The following SMIM18 variants were observed in gnomAD, a reference collection of about 807,000 sequenced individuals.
SMIM18 encodes the protein small integral membrane protein 18.
A neutral mutation model predicts 5.9 loss-of-function variants in SMIM18; 4 were observed. The observed-to-expected ratio is 0.68, with a 90% CI of 0.33 to 1.56. SMIM18 has a LOEUF of 1.56. Among genes scored for constraint, SMIM18 ranks in the 40% most tolerant of loss-of-function variants. The pLI is 0.06. For missense variants in SMIM18, 89 were observed against 109.7 expected, an observed-to-expected ratio of 0.81 and a Z score of 0.84; for synonymous variants, 37 against 37.4, an observed-to-expected ratio of 0.99 and a Z score of 0.04.
At chr8:30,642,140 C>A (rs1313047522) in intron 1 of SMIM18, among the ~76,000 whole-genome samples, 2 of 151,892 alleles carry the variant, frequency 1.3e-5, no homozygotes, top group African/African-American at 4.8e-5. Flanking sequence ...ATTAAGAAAG[C>A]AAAGGAATAC....
intron 1 of SMIM18, among the ~76,000 whole-genome samples, chr8:30,641,664 G>A (rs1166989653): frequency 6.6e-6 from 1 of 152,146 alleles, no homozygotes. Flanking sequence ...ATTACCTGAC[G>A]TCAGGGGTTC....
chr8:30,645,838 A>G lies in SMIM18; in HGVS notation c.*241A>G. On this transcript the variant is annotated 3_prime_UTR_variant, in exon 3 of 3. Coordinates refer to ENST00000517349, the MANE Select transcript of SMIM18 (RefSeq NM_001206847.2). ...ATCTGTTTAATACTGACACTTCAAAAACTGGATAAAAGATTCCTAGAGTTC... is the reference window on the plus strand; with the variant it reads ...ATCTGTTTAATACTGACACTTCAAAGACTGGATAAAAGATTCCTAGAGTTC... The G allele has an allele frequency of 2.5e-6, 1 of 395,424 alleles. No individual in the cohort carries two copies. Among genetic ancestry groups the G allele is most frequent in the Non-Finnish European group, 4.5e-6 (1 of 222,336 alleles). 24.5% of individuals were successfully genotyped at this position (395,424 alleles called of 1,614,324 possible). A position where few individuals can be genotyped will look rare whatever the true frequency, so the allele number is the denominator to read the frequency against.
chr8:30,645,236 G>T, intron 2 of SMIM18, 45 bp from the exon 3 acceptor site: 1 of 1,392,584 alleles, frequency 7.2e-7, no homozygotes, highest in South Asian at 1.5e-5. Context: ...TGAATTAACA[G>T]ATCTGTAGTT....
At chr8:30,639,584 T>C (rs1801738635) in intron 1 of SMIM18, among the ~76,000 whole-genome samples, 1 of 152,248 alleles carries the variant, frequency 6.6e-6, no homozygotes, top group African/African-American at 2.4e-5. Context: ...AGAGCAATCA[T>C]TCATGTCTAT....
Position 30,638,618 on chromosome 8 carries a change from G to C in SMIM18, c.-132G>C, listed in dbSNP as rs1385638947. 6.6e-6 allele frequency: 1 copy of C among 152,636 alleles called. No homozygotes were observed. The highest frequency in any genetic ancestry group is 6.5e-5 in the Admixed American group (1 of 15,280). 9.5% of individuals were successfully genotyped at this position (152,636 alleles called of 1,614,324 possible). On this transcript the variant is annotated 5_prime_UTR_variant, in exon 1 of 3. Transcript: ENST00000517349. Reference sequence around the variant, plus strand: ...ACAAACAGACGATACCATCGCTTCAGCAGCATCCTCTCAGACAAGAGGTAG... The same window carrying C: ...ACAAACAGACGATACCATCGCTTCACCAGCATCCTCTCAGACAAGAGGTAG...
intron 1 of SMIM18, among the ~76,000 whole-genome samples, chr8:30,641,368 G>C (rs1801820654): frequency 6.6e-6 from 1 of 152,018 alleles, no homozygotes; most frequent in Non-Finnish European, 1.5e-5. Flanking sequence ...ATTTGTTTTG[G>C]TTTGGTTTTT....
chr8:30,643,338 A>C (rs1000609827), intron 1 of SMIM18: 2 of 152,122 alleles, frequency 1.3e-5, no homozygotes, highest in African/African-American at 4.8e-5. Context: ...GAGATGGGCC[A>C]AGAGTTGATG....
chr8:30,639,915 C>A (rs1236001321), intron 1 of SMIM18, among the ~76,000 whole-genome samples: 1 of 151,404 alleles, frequency 6.6e-6, no homozygotes, highest in African/African-American at 2.4e-5. Flanking sequence ...ATCTAGAAAC[C>A]ATTTGTGCTT....
At chr8:30,641,045 C>T (rs1351229771) in intron 1 of SMIM18, among the ~76,000 whole-genome samples, 2 of 152,136 alleles carry the variant, frequency 1.3e-5, no homozygotes, top group Non-Finnish European at 2.9e-5. Context: ...TAAGATTTAG[C>T]CTTTACCCTA....
chr8:30,643,797 C>T (rs878919353), intron 1 of SMIM18: 1 of 150,594 alleles, frequency 6.6e-6, no homozygotes, highest in African/African-American at 2.4e-5. Flanking sequence ...CCTGCATCTG[C>T]AAGGCTAGTA....
At chr8:30,643,242 G>A (rs889828410) in intron 1 of SMIM18, among the ~76,000 whole-genome samples, 5 of 152,166 alleles carry the variant, frequency 3.3e-5, no homozygotes, top group African/African-American at 1.2e-4. Context: ...ACCATTGGGA[G>A]ATATATATTG....
At chr8:30,640,868 C>T (rs1016022703) in intron 1 of SMIM18, among the ~76,000 whole-genome samples, 3 of 152,270 alleles carry the variant, frequency 2.0e-5, no homozygotes, top group Admixed American at 1.3e-4. Flanking sequence ...CCACAACTGG[C>T]TAATTTTTGT....
At chr8:30,641,154 T>G (rs1801808850) in intron 1 of SMIM18, among the ~76,000 whole-genome samples, 1 of 152,188 alleles carries the variant, frequency 6.6e-6, no homozygotes, top group Non-Finnish European at 1.5e-5. Context: ...AGAGTTTACT[T>G]TTTTCAGATA....
Position 30,645,876 on chromosome 8 carries a change from C to A in SMIM18, c.*279C>A. The stretch of plus-strand genomic sequence containing the variant: ...ATTCCTAGAGTTCAATATTAAGCAG[C>A]AAAAGATAAGCTGGAAAAGACAAGC... On this transcript the variant is annotated 3_prime_UTR_variant, in exon 3 of 3. Transcript: ENST00000517349. 1 of 293,038 alleles carries A rather than the reference C, an allele frequency of 3.4e-6. No homozygotes were observed. Among genetic ancestry groups the A allele is most frequent in the Non-Finnish European group, 6.3e-6 (1 of 158,228 alleles). The allele number at this position is 293,038 out of a possible 1,614,324, so 18.2% of individuals were successfully genotyped here.
chr8:30,638,908 AC>A (rs1801706724), intron 1 of SMIM18, among the ~76,000 whole-genome samples: 1 of 152,158 alleles, frequency 6.6e-6, no homozygotes. Context: ...CTCAGAGTAA[AC>A]CATAGCTTTT....
At chr8:30,639,575 G>A (rs1413734867) in intron 1 of SMIM18, among the ~76,000 whole-genome samples, 1 of 152,070 alleles carries the variant, frequency 6.6e-6, no homozygotes, top group Non-Finnish European at 1.5e-5. Context: ...TCGTGGCTCA[G>A]AGCAATCATT....
intron 1 of SMIM18, among the ~76,000 whole-genome samples, chr8:30,642,199 GCATTAAATAAGT>G (rs888921458): frequency 6.6e-6 from 1 of 151,008 alleles, no homozygotes; most frequent in Non-Finnish European, 1.5e-5. Context: ...GTATTACAGT[GCATTAAATAAGT>G]CAATATTGAC....
At chr8:30,645,169 T>C (rs1232403630) in intron 2 of SMIM18, 112 bp from the exon 3 acceptor site, 2 of 935,706 alleles carry the variant, frequency 2.1e-6, no homozygotes, top group African/African-American at 3.3e-5. Flanking sequence ...TAGGCATTAA[T>C]TAAGGAAGAT....
intron 1 of SMIM18, among the ~76,000 whole-genome samples, chr8:30,641,639 A>G (rs1356565914): frequency 1.3e-5 from 2 of 152,124 alleles, no homozygotes; most frequent in Non-Finnish European, 2.9e-5. Context: ...ACTTTTGGGA[A>G]GCCAAGGTGG....
Sources: allele counts gnomAD v4.1 joint callset (sites outside exome capture counted in the v4.1 genomes callset), GRCh38; gene constraint gnomAD v4.1.1; transcripts MANE v1.5; gene names NCBI Gene and HGNC (gene_info 2026-07-23, HGNC 2026-07-21).